PCDHGA6: variants seen among roughly 807,000 people sequenced by gnomAD.
PCDHGA6 encodes protocadherin gamma-A6.
PCDHGA6 carries 41 observed loss-of-function variants against 60.6 expected under a neutral mutation model. The observed-to-expected ratio is 0.68, with a 90% confidence interval of 0.53 to 0.88. The LOEUF is 0.88. PCDHGA6 is among the 40% of genes least tolerant of loss of function. The probability of loss-of-function intolerance (pLI) is 0.00; values close to 1 mark genes in which losing one functional copy is unlikely to be tolerated. For missense variants in PCDHGA6, 1,312 were observed against 1,203.0 expected (o/e 1.09, Z -1.34); for synonymous variants, 594 against 524.4 (o/e 1.13, Z -1.81).
At position 141,476,090 on chromosome 5, in the gene PCDHGA6, C is replaced by T; in HGVS notation, c.2425-18717C>T. On this transcript the variant is annotated intron_variant, in intron 1 of 3. Coordinates refer to ENST00000517434, the MANE Select transcript of PCDHGA6 (RefSeq NM_018919.3). The surrounding 1 kb of genome is among the most constrained non-coding windows in gnomAD (Gnocchi z 7.6). ...GAAATCTCAGGGACGATCTGGACCC[C>T]GCTGAGAGGAACTGCTTTTGAGTGA... 3 of 1,562,222 alleles carry T rather than the reference C, an allele frequency of 1.9e-6. No individual in the cohort carries two copies. Among genetic ancestry groups the T allele is most frequent in the African/African-American group, 1.4e-5 (1 of 73,764 alleles).
At chr5:141,449,537 C>A (rs1377909573) in intron 1 of PCDHGA6, among the ~76,000 whole-genome samples, 1 of 146,334 alleles carries the variant, frequency 6.8e-6, no homozygotes, top group Non-Finnish European at 1.5e-5. Flanking sequence ...TGCAGTGAGC[C>A]GAGATCGCAC....
chr5:141,423,848 G>C (rs1353181066), intron 1 of PCDHGA6: 1 of 1,277,462 alleles, frequency 7.8e-7, no homozygotes, highest in Non-Finnish European at 9.9e-7. Flanking sequence ...TAATCTTTCA[G>C]AACGTTTTTG....
At chr5:141,390,096 C>G in intron 1 of PCDHGA6, 1 of 1,614,030 alleles carries the variant, frequency 6.2e-7, no homozygotes, top group Non-Finnish European at 8.5e-7. Context: ...ATCCGTGGTT[C>G]CCCCCAACTA....
Position 141,375,791 on chromosome 5 carries a change from G to C in PCDHGA6, c.1708G>C (p.Asp570His), listed in dbSNP as rs374657173. 1 of 1,614,232 alleles carries C rather than the reference G, an allele frequency of 6.2e-7. No individual in the cohort carries two copies. Among genetic ancestry groups the C allele is most frequent in the Non-Finnish European group, 8.5e-7 (1 of 1,180,030 alleles). The change falls in exon 1 of 4, where the codon GAC becomes CAC. Residue 570 changes from aspartate (D) to histidine (H), a missense_variant. Transcript: ENST00000517434. ...PEILYPALPT[D>H]GSTGVELAPR... ...GATCCTGTACCCCGCCCTCCCCACA[G>C]ACGGTTCCACTGGCGTGGAGCTGGC...
chr5:141,409,906 T>G (rs779572711), intron 1 of PCDHGA6: 2 of 1,613,096 alleles, frequency 1.2e-6, no homozygotes, highest in African/African-American at 2.7e-5. Flanking sequence ...CAGCTCTGGG[T>G]CCTGACGGCT....
intron 1 of PCDHGA6, among the ~76,000 whole-genome samples, chr5:141,455,425 A>G (rs2098822334): frequency 1.3e-5 from 2 of 152,168 alleles, no homozygotes; most frequent in African/African-American, 2.4e-5. Flanking sequence ...CGGGGCTCCA[A>G]AAGAGGAGGT....
At chr5:141,474,834 A>G (rs557557147) in intron 1 of PCDHGA6, among the ~76,000 whole-genome samples, 4 of 152,380 alleles carry the variant, frequency 2.6e-5, no homozygotes, top group South Asian at 4.1e-4. Context: ...ACTCTGTGCC[A>G]GGCACTTTAC....
At chr5:141,392,722 A>G in intron 1 of PCDHGA6, 1 of 1,389,524 alleles carries the variant, frequency 7.2e-7, no homozygotes, top group African/African-American at 1.5e-5. Context: ...AGGTTTCCGG[A>G]GGATTGTCAT....
intron 1 of PCDHGA6, chr5:141,400,431 A>G (rs542969819): frequency 3.0e-5 from 48 of 1,614,034 alleles, no homozygotes; most frequent in African/African-American, 1.1e-4. Context: ...GTAGTGAGCA[A>G]TTGAGTTCAG....
chr5:141,433,001 G>A (rs1361701281), intron 1 of PCDHGA6: 39 of 1,614,156 alleles, frequency 2.4e-5, no homozygotes, highest in Non-Finnish European at 3.1e-5. Context: ...CGGGGTGCAG[G>A]CTTTCCTGCA....
chr5:141,481,781 G>A (rs957054361), intron 1 of PCDHGA6, among the ~76,000 whole-genome samples: 3 of 151,998 alleles, frequency 2.0e-5, no homozygotes, highest in Admixed American at 6.6e-5. Context: ...GTGAAACCCC[G>A]TCTCTACTAA....
intron 1 of PCDHGA6, chr5:141,399,982 A>C: frequency 6.2e-7 from 1 of 1,612,330 alleles, no homozygotes; most frequent in Non-Finnish European, 8.5e-7. Context: ...GGGGCTGCGC[A>C]CAGGAGAGGT....
chr5:141,396,662 G>C (rs1589287769), intron 1 of PCDHGA6: 1 of 151,614 alleles, frequency 6.6e-6, no homozygotes, highest in Admixed American at 6.6e-5. Context: ...ACTCGGTATA[G>C]GCTATCCATT....
At chr5:141,503,241 A>G (rs1399557839) in intron 2 of PCDHGA6, among the ~76,000 whole-genome samples, 1 of 152,074 alleles carries the variant, frequency 6.6e-6, no homozygotes, top group Non-Finnish European at 1.5e-5. Context: ...GACAGTTTCT[A>G]TCATACTCAC....
intron 1 of PCDHGA6, chr5:141,415,740 G>GTGT: frequency 1.6e-6 from 1 of 617,992 alleles, no homozygotes; most frequent in Non-Finnish European, 2.1e-6. Context: ...GTTTATTAAG[G>GTGT]TTTTTTTTTT....
rs746838072 is a variant in PCDHGA6 at position 141,486,116 on chromosome 5, T to A, written c.2425-8691T>A. ...GCCCCTAGACTTTGAGAGTGAGAATTACTATGAATTTGATGTGCGGGCTCG... is the reference window on the plus strand; with the variant it reads ...GCCCCTAGACTTTGAGAGTGAGAATAACTATGAATTTGATGTGCGGGCTCG... On this transcript the variant is annotated intron_variant, in intron 1 of 3. Coordinates refer to ENST00000517434, the MANE Select transcript of PCDHGA6 (RefSeq NM_018919.3). This position sits in a 1 kb window ranked among gnomAD's most constrained non-coding sequence, Gnocchi z 5.0. 1.1e-5 allele frequency: 17 copies of A among 1,613,638 alleles called. No homozygotes were observed. Among genetic ancestry groups the A allele is most frequent in the Non-Finnish European group, 1.4e-5 (17 of 1,179,610 alleles).
intron 1 of PCDHGA6, among the ~76,000 whole-genome samples, chr5:141,435,383 G>A (rs1057246190): frequency 6.6e-6 from 1 of 152,016 alleles, no homozygotes; most frequent in South Asian, 2.1e-4. Flanking sequence ...ACAATATACC[G>A]TATTGCCATG....
At chr5:141,450,790 A>G (rs2098694056) in intron 1 of PCDHGA6, among the ~76,000 whole-genome samples, 1 of 148,832 alleles carries the variant, frequency 6.7e-6, no homozygotes, top group Admixed American at 6.7e-5. Context: ...CCCGGACCTC[A>G]TGATTGTATT....
In PCDHGA6 at chr5:141,431,279, C is replaced by G. The variant is rs1163372308; in HGVS notation, c.2424+54772C>G. Reference sequence around the variant, plus strand: ...CTCTCTGCAGAGCTACGAGCTCAGCCCGAACACTCACTTCTCCCTCATCGT... The same window carrying G: ...CTCTCTGCAGAGCTACGAGCTCAGCGCGAACACTCACTTCTCCCTCATCGT... On this transcript the variant is annotated intron_variant, in intron 1 of 3. Coordinates refer to ENST00000517434, the MANE Select transcript of PCDHGA6 (RefSeq NM_018919.3). This position sits in a 1 kb window ranked among gnomAD's most constrained non-coding sequence, Gnocchi z 4.8. 1 of 1,614,028 alleles carries G rather than the reference C, an allele frequency of 6.2e-7. No individual in the cohort carries two copies. Among genetic ancestry groups the G allele is most frequent in the African/African-American group, 1.3e-5 (1 of 74,926 alleles).
Sources: allele counts gnomAD v4.1 joint callset (sites outside exome capture counted in the v4.1 genomes callset), GRCh38; gene constraint gnomAD v4.1.1; non-coding constraint Gnocchi (gnomAD v3.1); transcripts MANE v1.5; gene names NCBI Gene and HGNC (gene_info 2026-07-23, HGNC 2026-07-21).